LRRC3B: variants seen among roughly 807,000 people sequenced by gnomAD.
The protein encoded by LRRC3B is leucine-rich repeat-containing protein 3B.
A neutral mutation model predicts 12.8 loss-of-function variants in LRRC3B; 2 were observed. The observed-to-expected ratio is 0.16, with a 90% confidence interval of 0.06 to 0.49. The LOEUF (loss-of-function observed/expected upper bound fraction) is 0.49, where lower values mean the gene tolerates loss of function less well. Among genes scored for constraint, LRRC3B ranks in the 20% least tolerant of loss-of-function variants. The pLI is 0.96. For missense variants in LRRC3B, 189 were observed against 319.4 expected (o/e 0.59, Z 3.11); for synonymous variants, 132 against 122.0 (o/e 1.08, Z -0.54).
At chr3:26,653,925 T>A (rs1699318093) in intron 1 of LRRC3B, among the ~76,000 whole-genome samples, 1 of 152,094 alleles carries the variant, frequency 6.6e-6, no homozygotes, top group South Asian at 2.1e-4. Flanking sequence ...GGAGAAAAAG[T>A]TTATAATGCC....
At chr3:26,650,526 C>A (rs1699242905) in intron 1 of LRRC3B, among the ~76,000 whole-genome samples, 1 of 152,110 alleles carries the variant, frequency 6.6e-6, no homozygotes, top group Admixed American at 6.5e-5. Context: ...TGGATACAGG[C>A]AATAAGCAAG....
At chr3:26,637,395 C>T (rs972527247) in intron 1 of LRRC3B, among the ~76,000 whole-genome samples, 37 of 152,188 alleles carry the variant, frequency 2.4e-4, no homozygotes, top group African/African-American at 8.4e-4. Flanking sequence ...TCACCGTCAA[C>T]TTCTAGGGCT....
intron 1 of LRRC3B, among the ~76,000 whole-genome samples, chr3:26,679,140 CAG>C (rs1699920141): frequency 6.6e-6 from 1 of 152,148 alleles, no homozygotes; most frequent in Admixed American, 6.5e-5. Flanking sequence ...AATATTTAAA[CAG>C]AGTTGTACAA....
At chr3:26,684,064 A>C (rs1397724223) in intron 1 of LRRC3B, among the ~76,000 whole-genome samples, 2 of 152,204 alleles carry the variant, frequency 1.3e-5, no homozygotes, top group Non-Finnish European at 2.9e-5. Context: ...CAGCCAATTT[A>C]GATGATTTGC....
intron 1 of LRRC3B, among the ~76,000 whole-genome samples, chr3:26,658,822 C>T (rs1221623380): frequency 6.6e-6 from 1 of 152,124 alleles, no homozygotes; most frequent in Non-Finnish European, 1.5e-5. Context: ...TCTACACTGA[C>T]AATAAACAAG....
At chr3:26,709,833 A>G in exon 2 of LRRC3B, 1 of 1,614,122 alleles carries the variant, frequency 6.2e-7, no homozygotes, top group East Asian at 2.2e-5. Context: ...AGCAATGCAA[A>G]TCTCAAGGAA....
chr3:26,652,291 G>C (rs1221634906), intron 1 of LRRC3B, among the ~76,000 whole-genome samples: 1 of 152,202 alleles, frequency 6.6e-6, no homozygotes, highest in African/African-American at 2.4e-5. Flanking sequence ...GGACAGCTGG[G>C]GCCTGCGAAG....
intron 1 of LRRC3B, among the ~76,000 whole-genome samples, chr3:26,673,785 G>A (rs1282373130): frequency 6.6e-6 from 1 of 152,122 alleles, no homozygotes; most frequent in African/African-American, 2.4e-5. Context: ...CAGGAAGTCT[G>A]CACAAAATCA....
intron 1 of LRRC3B, among the ~76,000 whole-genome samples, chr3:26,670,490 C>T (rs952907538): frequency 1.3e-5 from 2 of 152,106 alleles, no homozygotes; most frequent in Non-Finnish European, 2.9e-5. Context: ...TTTCTGAGCA[C>T]CGGGTTTTTT....
At chr3:26,663,919 C>T (rs1007630578) in intron 1 of LRRC3B, among the ~76,000 whole-genome samples, 5 of 152,106 alleles carry the variant, frequency 3.3e-5, no homozygotes, top group African/African-American at 1.2e-4. Flanking sequence ...GGTCTTCCTG[C>T]CGATAAAATT....
At chr3:26,665,561 A>G (rs367873223) in intron 1 of LRRC3B, among the ~76,000 whole-genome samples, 1 of 152,174 alleles carries the variant, frequency 6.6e-6, no homozygotes, top group South Asian at 2.1e-4. Context: ...TGACAAGTAT[A>G]GAAAAGAGAG....
intron 1 of LRRC3B, among the ~76,000 whole-genome samples, chr3:26,685,507 CTCTCTCTCTCTCTCTCTATATATATA>C (rs1226875113): frequency 4.0e-5 from 2 of 50,040 alleles, no homozygotes; most frequent in Non-Finnish European, 7.6e-5. Flanking sequence ...CTCTCTCTCT[CTCTCTCTCTCTCTCTCTATATATATA>C]TATATATATA....
chr3:26,636,930 CTTTCTT>C (rs1377863141), intron 1 of LRRC3B, among the ~76,000 whole-genome samples: 11 of 97,098 alleles, frequency 1.1e-4, no homozygotes, highest in Non-Finnish European at 2.1e-4. Flanking sequence ...TTCTTTCTTT[CTTTCTT>C]TCTTTCTTTC....
chr3:26,636,984 CTT>C lies in LRRC3B; in HGVS notation c.-161+13749_-161+13750del, dbSNP rs1379535924. On this transcript the variant is annotated intron_variant, in intron 1 of 1. Transcript: ENST00000396641. ...TTTCTTTCTTTCTTTCTCTCTCTCT[CTT>C]TCTCTCTTTCTCTCTTTCTTTCTTT... Among the ~76,000 whole-genome samples the C allele has an allele frequency of 1.2e-3, 154 of 123,986 alleles. 2 individuals are homozygous for C. Among genetic ancestry groups the C allele is most frequent in the African/African-American group, 4.0e-3 (109 of 27,458 alleles). 81.3% of individuals were successfully genotyped at this position (123,986 alleles called of 152,430 possible). A position where few individuals can be genotyped will look rare whatever the true frequency, so the allele number is the denominator to read the frequency against.
intron 1 of LRRC3B, among the ~76,000 whole-genome samples, chr3:26,629,676 G>T (rs1698711546): frequency 1.3e-5 from 2 of 152,126 alleles, no homozygotes; most frequent in South Asian, 4.1e-4. Context: ...TAAGCTTAGG[G>T]TTTCAAAGTT....
intron 1 of LRRC3B, among the ~76,000 whole-genome samples, chr3:26,703,536 C>T (rs960556062): frequency 6.6e-6 from 1 of 151,980 alleles, no homozygotes; most frequent in Non-Finnish European, 1.5e-5. Context: ...GGTGGGCTAA[C>T]TACAAGAAGG....
At chr3:26,681,564 A>C (rs1167876000) in intron 1 of LRRC3B, among the ~76,000 whole-genome samples, 1 of 152,210 alleles carries the variant, frequency 6.6e-6, no homozygotes, top group Non-Finnish European at 1.5e-5. Context: ...TCTTATCTGT[A>C]AAAGGGGATG....
intron 1 of LRRC3B, among the ~76,000 whole-genome samples, chr3:26,683,979 T>C (rs1017039219): frequency 6.6e-6 from 1 of 152,210 alleles, no homozygotes; most frequent in Non-Finnish European, 1.5e-5. Flanking sequence ...ACAGGACTTG[T>C]TTCTCTCAAT....
At chr3:26,672,263 C>CT (rs959775116) in intron 1 of LRRC3B, among the ~76,000 whole-genome samples, 13 of 152,246 alleles carry the variant, frequency 8.5e-5, no homozygotes, top group African/African-American at 1.9e-4. Flanking sequence ...ACAGTCAGTA[C>CT]TTTTTTTACA....
Sources: gnomAD v4.1 joint callset for allele counts (sites outside exome capture counted in the v4.1 genomes callset) on GRCh38, gnomAD v4.1.1 for gene constraint, MANE v1.5 for transcripts, NCBI Gene and HGNC (gene_info 2026-07-23, HGNC 2026-07-21) for gene names.